Variants in CCDC141 observed in about 807,000 individuals in gnomAD.
CCDC141 encodes the protein coiled-coil domain-containing protein 141.
CCDC141 carries 168 observed loss-of-function variants against 181.0 expected under a neutral mutation model. That is an observed-to-expected ratio of 0.93 (90% confidence interval 0.82 to 1.05). The LOEUF is 1.05. Ranked by LOEUF, CCDC141 falls within the 50% of genes least tolerant of loss-of-function variation. CCDC141 has a pLI of 0.00. For synonymous variants in CCDC141, 666 were observed against 642.3 expected (o/e 1.04, Z -0.56); for missense variants, 1,902 against 1,788.5 (o/e 1.06, Z -1.14).
At chr2:178,928,594 T>C (rs1688992991) in intron 6 of CCDC141, among the ~76,000 whole-genome samples, 1 of 152,134 alleles carries the variant, frequency 6.6e-6, no homozygotes, top group Non-Finnish European at 1.5e-5. Flanking sequence ...TTTGTAAAAG[T>C]CAAAACTAAA....
Position 178,944,545 on chromosome 2 carries a change from A to C in CCDC141, c.887T>G (p.Ile296Arg), listed in dbSNP as rs1689650982. ...TAATATATCTCTTACCTTTGCTTTT[A>C]TTATCAGTTCCTCTTGCTTATGAAT... Reference protein sequence around the residue: ...DRIHKQEELIIKAKEWNSAVE... With the variant: ...DRIHKQEELIRKAKEWNSAVE... The change falls in exon 6 of 24, where the codon ATA becomes AGA. Residue 296 changes from isoleucine (I) to arginine (R), a missense_variant. Ile to Arg is a moderately conservative substitution (Grantham distance 97, BLOSUM62 -3). Coordinates refer to ENST00000443758, the MANE Select transcript of CCDC141 (RefSeq NM_173648.4). The C allele has an allele frequency of 1.3e-6, 2 of 1,483,842 alleles. No homozygotes were observed. The highest frequency in any genetic ancestry group is 5.0e-5 in the East Asian group (2 of 39,920). 91.9% of individuals were successfully genotyped at this position (1,483,842 alleles called of 1,614,324 possible).
chr2:178,975,906 T>C (rs1559020018), intron 3 of CCDC141, among the ~76,000 whole-genome samples: 1 of 152,176 alleles, frequency 6.6e-6, no homozygotes, highest in Non-Finnish European at 1.5e-5. Flanking sequence ...ATTACATCTA[T>C]AAATAAAATG....
chr2:178,981,705 A>G (rs57672182), intron 2 of CCDC141, among the ~76,000 whole-genome samples: 84,497 of 116,290 alleles, frequency 0.73, 28,692 homozygotes, highest in East Asian at 0.86. Flanking sequence ...GAGAGAGAAA[A>G]AAAAACCTAA....
chr2:178,968,862 GAA>G (rs1303688304), intron 4 of CCDC141, among the ~76,000 whole-genome samples: 1 of 151,702 alleles, frequency 6.6e-6, no homozygotes, highest in Non-Finnish European at 1.5e-5. Context: ...AGAAAAGAGA[GAA>G]GAATGAAATA....
chr2:178,860,692 G>A (rs551968961), intron 17 of CCDC141, among the ~76,000 whole-genome samples: 1 of 151,404 alleles, frequency 6.6e-6, no homozygotes, highest in East Asian at 2.0e-4. Context: ...AGAGATTTCA[G>A]GACAAGACTT....
chr2:178,845,689 G>T lies in CCDC141; in HGVS notation c.3411C>A (p.Tyr1137Ter). The change falls in exon 22 of 24, where the codon TAC (tyrosine) becomes TAA (stop). Residue 1137 changes from tyrosine to a stop codon, truncating the protein, a stop_gained. Coordinates refer to ENST00000443758, the MANE Select transcript of CCDC141 (RefSeq NM_173648.4). LOFTEE classifies it high-confidence loss of function. ...TTGCTGGTTCCTTTAGCAAGTCAAT[G>T]TAATCATAATGGAAGTCTTCCAAAT... ...NPNLEDFHYD[Y>*]IDLLKEPAKN... The T allele has an allele frequency of 6.2e-7, 1 of 1,612,536 alleles. No individual in the cohort carries two copies. Among genetic ancestry groups the T allele is most frequent in the Non-Finnish European group, 8.5e-7 (1 of 1,178,756 alleles).
chr2:178,916,800 C>T lies in CCDC141; in HGVS notation c.1092+1913G>A, dbSNP rs145187075. Among the ~76,000 whole-genome samples the T allele has an allele frequency of 1.2e-3, 184 of 152,264 alleles. 4 individuals carry two copies. In the East Asian group the frequency reaches 0.033, roughly 27 times the overall value. ...AGCTTATTATAATTTGTATAGTTAG[C>T]ATGCCATGGCTTTCAAATGATAAAA... On this transcript the variant is annotated intron_variant, in intron 7 of 23. Transcript: ENST00000443758.
chr2:179,042,288 T>C (rs1194078694), intron 2 of CCDC141, among the ~76,000 whole-genome samples: 7 of 152,020 alleles, frequency 4.6e-5, no homozygotes, highest in Non-Finnish European at 1.0e-4. Flanking sequence ...TAAATGAAAA[T>C]TGAACAATGT....
intron 6 of CCDC141, among the ~76,000 whole-genome samples, chr2:178,935,413 T>A (rs1351729854): frequency 1.3e-5 from 2 of 152,216 alleles, no homozygotes; most frequent in African/African-American, 4.8e-5. Context: ...CTAAGGATAA[T>A]AGCCTCCAGC....
rs144028681 is a variant in CCDC141 at position 178,872,847 on chromosome 2, G to A, written c.1900-535C>T. 1.2e-4 allele frequency among the ~76,000 whole-genome samples: 19 copies of A among 152,238 alleles called. No homozygotes were observed. The East Asian group carries it at 3.5e-3, about 28-fold the overall frequency. ...CTCCATTTTGTGAGAACTGAAATGA[G>A]TCTGTATCTCTGTATTCAGAACTAC... On this transcript the variant is annotated intron_variant, in intron 12 of 23. Transcript: ENST00000443758.
chr2:178,824,732 T>C, the CCDC141 span, among the ~76,000 whole-genome samples: 3 of 151,984 alleles, frequency 2.0e-5, no homozygotes, highest in Non-Finnish European at 4.4e-5. Context: ...GGGCCATCTT[T>C]CATGGTGTTC....
chr2:178,945,301 G>A (rs1018960224), intron 5 of CCDC141, among the ~76,000 whole-genome samples: 2 of 152,136 alleles, frequency 1.3e-5, no homozygotes, highest in Non-Finnish European at 2.9e-5. Context: ...AATTAAAGGA[G>A]ACTTAGATTT....
intron 5 of CCDC141, among the ~76,000 whole-genome samples, chr2:178,946,007 A>G (rs1392203134): frequency 6.6e-6 from 1 of 152,218 alleles, no homozygotes; most frequent in Non-Finnish European, 1.5e-5. Flanking sequence ...TTTAAAATAC[A>G]GGATGGAAGC....
In CCDC141 at chr2:178,961,305, G is replaced by A. The variant is rs145989244; in HGVS notation, c.705C>T (p.Asp235=). Residue 235 remains aspartate (D), a synonymous_variant, in exon 5 of 24, where the codon GAC becomes GAT. Coordinates refer to ENST00000443758, the MANE Select transcript of CCDC141 (RefSeq NM_173648.4). Reference sequence around the variant, plus strand: ...CTTGCCACTGTTGCTTCAAGTACTTGTCTAGTTGTCTTCTCCTGTCTTGTA... The same window carrying A: ...CTTGCCACTGTTGCTTCAAGTACTTATCTAGTTGTCTTCTCCTGTCTTGTA... ...ELLQDRRRQL[D]KYLKQQWQEL... is the part of the protein sequence containing the mutation. 2 of 1,550,516 alleles carry A rather than the reference G, an allele frequency of 1.3e-6. No individual in the cohort carries two copies. Among genetic ancestry groups the A allele is most frequent in the Non-Finnish European group, 1.7e-6 (2 of 1,146,936 alleles).
chr2:178,988,918 A>G (rs1051271593), intron 2 of CCDC141, among the ~76,000 whole-genome samples: 1 of 152,190 alleles, frequency 6.6e-6, no homozygotes, highest in Non-Finnish European at 1.5e-5. Context: ...ATAGTCTCAA[A>G]CTAGTGGAAC....
intron 3 of CCDC141, among the ~76,000 whole-genome samples, chr2:178,975,751 A>T (rs1056966589): frequency 2.6e-5 from 4 of 152,194 alleles, no homozygotes; most frequent in African/African-American, 7.2e-5. Flanking sequence ...ATATATTTGT[A>T]TAGAAATTGG....
Position 178,888,574 on chromosome 2 carries a change from G to C in CCDC141, c.1360C>G (p.Leu454Val), listed in dbSNP as rs1686998348. The change falls in exon 9 of 24, where the codon CTT becomes GTT. Residue 454 changes from leucine (L) to valine (V), a missense_variant. Transcript: ENST00000443758. ...GAGGCTGTTAGTTGTTGTTTCTTAAGAGCATATTCCTTGTGCGCTGAACAC... is the reference window on the plus strand; with the variant it reads ...GAGGCTGTTAGTTGTTGTTTCTTAACAGCATATTCCTTGTGCGCTGAACAC... ...EQCSAHKEYA[L>V]KKQQLTASVE... 1.3e-6 allele frequency: 2 copies of C among 1,550,412 alleles called. No individual in the cohort carries two copies. The highest frequency in any genetic ancestry group is 3.9e-5 in the Admixed American group (2 of 50,980).
At chr2:178,900,051 A>G (rs1309047336) in intron 8 of CCDC141, among the ~76,000 whole-genome samples, 2 of 152,144 alleles carry the variant, frequency 1.3e-5, no homozygotes, top group African/African-American at 4.8e-5. Flanking sequence ...CCAAGAAACA[A>G]TTTTATTTTA....
rs146003488 is a variant in CCDC141 at position 178,839,208 on chromosome 2, T to C, written c.3475-1464A>G. On this transcript the variant is annotated intron_variant, in intron 22 of 23. Coordinates refer to ENST00000443758, the MANE Select transcript of CCDC141 (RefSeq NM_173648.4). ...GTAGGGGGATCACAAGGTCAGGAGA[T>C]AGAGACCATCCTGGCTAACATGGTG... Among the ~76,000 whole-genome samples the C allele has an allele frequency of 5.9e-3, 898 of 152,120 alleles. 6 individuals carry two copies. The highest frequency in any genetic ancestry group is 0.02 in the African/African-American group (832 of 41,486).
Sources: gnomAD v4.1 joint callset for allele counts (sites outside exome capture counted in the v4.1 genomes callset) on GRCh38, gnomAD v4.1.1 for gene constraint, MANE v1.5 for transcripts, NCBI Gene and HGNC (gene_info 2026-07-23, HGNC 2026-07-21) for gene names.